Variants in IGF1R observed in about 807,000 individuals in gnomAD.
IGF1R encodes insulin like growth factor 1 receptor, also known as insulin-like growth factor 1 receptor.
Under a neutral mutation model 144.6 loss-of-function variants are expected in IGF1R, and 44 were observed. The observed-to-expected ratio is 0.30, with a 90% confidence interval of 0.24 to 0.39. IGF1R has a LOEUF of 0.39. IGF1R is among the 10% of genes least tolerant of loss of function. The probability of loss-of-function intolerance (pLI) is 1.00; values close to 1 mark genes in which losing one functional copy is unlikely to be tolerated. For missense variants in IGF1R, 1,355 were observed against 1,833.7 expected (o/e 0.74, Z 4.77); for synonymous variants, 795 against 722.8 (o/e 1.10, Z -1.60).
At chr15:98,703,271 T>G (rs2053780448) in intron 1 of IGF1R, among the ~76,000 whole-genome samples, 1 of 152,204 alleles carries the variant, frequency 6.6e-6, no homozygotes, top group Non-Finnish European at 1.5e-5. Context: ...CATTTTCCTT[T>G]TAATCATCGG....
rs2015526302 is a variant in IGF1R at position 98,922,349 on chromosome 15, C to T, written c.2403C>T (p.Ile801=). ...SNLRPFTLYR[I]DIHSCNHEAE... is the part of the protein sequence containing the mutation. Reference sequence around the variant, plus strand: ...TTCGGCCTTTCACATTGTACCGCATCGATATCCACAGCTGCAACCACGAGG... The same window carrying T: ...TTCGGCCTTTCACATTGTACCGCATTGATATCCACAGCTGCAACCACGAGG... Residue 801 remains isoleucine, a synonymous_variant, in exon 11 of 21, where the codon ATC becomes ATT. Transcript: ENST00000650285. The T allele has an allele frequency of 4.3e-6, 7 of 1,614,184 alleles. No homozygotes were observed. Among genetic ancestry groups the T allele is most frequent in the Admixed American group, 1.7e-5 (1 of 60,030 alleles).
intron 1 of IGF1R, among the ~76,000 whole-genome samples, chr15:98,697,382 G>A (rs549541931): frequency 3.0e-4 from 46 of 152,302 alleles, no homozygotes; most frequent in African/African-American, 1.1e-3. Context: ...CACCTGCTCC[G>A]CCACCTCTGC....
At chr15:98,859,641 C>G (rs1184074684) in intron 2 of IGF1R, among the ~76,000 whole-genome samples, 2 of 152,194 alleles carry the variant, frequency 1.3e-5, no homozygotes, top group Non-Finnish European at 2.9e-5. Flanking sequence ...TTGTGCATTT[C>G]TCAGTGTCCA....
chr15:98,873,055 GA>G, intron 2 of IGF1R, among the ~76,000 whole-genome samples: 1 of 152,088 alleles, frequency 6.6e-6, no homozygotes, highest in African/African-American at 2.4e-5. Flanking sequence ...CCTCCTCCCT[GA>G]AGGCAAGCCA....
At chr15:98,914,834 G>T (rs559157647) in intron 8 of IGF1R, among the ~76,000 whole-genome samples, 2 of 152,160 alleles carry the variant, frequency 1.3e-5, no homozygotes, top group Non-Finnish European at 2.9e-5. Flanking sequence ...GACACCTATC[G>T]TAAGAATGTA....
At chr15:98,772,221 TAAC>T (rs2055603536) in intron 2 of IGF1R, among the ~76,000 whole-genome samples, 2 of 152,154 alleles carry the variant, frequency 1.3e-5, no homozygotes, top group Admixed American at 6.5e-5. Flanking sequence ...TTTTCTGACT[TAAC>T]AAAATTGGTG....
At chr15:98,787,922 A>G (rs1287631557) in intron 2 of IGF1R, among the ~76,000 whole-genome samples, 1 of 152,102 alleles carries the variant, frequency 6.6e-6, no homozygotes, top group African/African-American at 2.4e-5. Context: ...AAGGGAGACA[A>G]AAGAGAAATG....
chr15:98,864,115 C>G (rs1294870896), intron 2 of IGF1R, among the ~76,000 whole-genome samples: 1 of 151,980 alleles, frequency 6.6e-6, no homozygotes, highest in Non-Finnish European at 1.5e-5. Flanking sequence ...ATTAGCCTGT[C>G]ATGGTAGCAT....
chr15:98,652,490 A>G (rs1269938265), intron 1 of IGF1R, among the ~76,000 whole-genome samples: 2 of 152,240 alleles, frequency 1.3e-5, no homozygotes, highest in East Asian at 3.8e-4. Context: ...AGACATAGCA[A>G]GCAAATGGTG....
chr15:98,706,263 CAAATT>C (rs1374149714), intron 1 of IGF1R, among the ~76,000 whole-genome samples: 3 of 152,216 alleles, frequency 2.0e-5, no homozygotes, highest in Non-Finnish European at 4.4e-5. Context: ...GGGTGCTTCC[CAAATT>C]AATTACATCA....
At chr15:98,909,864 C>G (rs937709656) in intron 6 of IGF1R, among the ~76,000 whole-genome samples, 2 of 152,220 alleles carry the variant, frequency 1.3e-5, no homozygotes, top group Non-Finnish European at 2.9e-5. Flanking sequence ...CAGTGCCTTT[C>G]TCATCTAACC....
In IGF1R at chr15:98,878,663, C is replaced by CAAAAAAAAAAAAAA. The variant is rs138285597; in HGVS notation, c.641-12643_641-12630dup. The stretch of plus-strand genomic sequence containing the variant: ...TCTCTCTTCTTATTTGTGAAAGACT[C>CAAAAAAAAAAAAAA]AAAAAAAAAAAAAAAAAAAAAAAAA... On this transcript the variant is annotated intron_variant, in intron 2 of 20. Coordinates refer to ENST00000650285, the MANE Select transcript of IGF1R (RefSeq NM_000875.5). Among the ~76,000 whole-genome samples the CAAAAAAAAAAAAAA allele has an allele frequency of 2.9e-4, 17 of 57,904 alleles. 1 individual carries two copies. Among genetic ancestry groups the CAAAAAAAAAAAAAA allele is most frequent in the African/African-American group, 4.2e-4 (4 of 9,628 alleles). The allele number at this position is 57,904 out of a possible 152,430, so 38.0% of individuals were successfully genotyped here.
At chr15:98,755,705 C>T (rs903838396) in intron 2 of IGF1R, among the ~76,000 whole-genome samples, 2 of 72,604 alleles carry the variant, frequency 2.8e-5, no homozygotes, top group African/African-American at 1.2e-4. Flanking sequence ...AATGACAGAG[C>T]AAAACTCCAT....
chr15:98,878,662 T>TC (rs2013184836), intron 2 of IGF1R, among the ~76,000 whole-genome samples: 1 of 15,752 alleles, frequency 6.3e-5, no homozygotes, highest in South Asian at 1.7e-3. Flanking sequence ...TGTGAAAGAC[T>TC]CAAAAAAAAA....
chr15:98,723,203 A>G (rs1021737703), intron 2 of IGF1R, among the ~76,000 whole-genome samples: 1 of 152,116 alleles, frequency 6.6e-6, no homozygotes, highest in Non-Finnish European at 1.5e-5. Flanking sequence ...TAAATCAGAA[A>G]CGTGAGGGTG....
At chr15:98,756,079 A>G (rs28493153) in intron 2 of IGF1R, among the ~76,000 whole-genome samples, 1 of 152,050 alleles carries the variant, frequency 6.6e-6, no homozygotes, top group East Asian at 1.9e-4. Flanking sequence ...ATATTTTTTT[A>G]AAAATTGTGA....
chr15:98,823,088 C>T (rs1414196021), intron 2 of IGF1R, among the ~76,000 whole-genome samples: 4 of 152,184 alleles, frequency 2.6e-5, no homozygotes, highest in African/African-American at 9.6e-5. Flanking sequence ...TGAAGAAAGT[C>T]ATACACCATT....
At chr15:98,720,443 G>A (rs1218463486) in intron 2 of IGF1R, among the ~76,000 whole-genome samples, 1 of 152,302 alleles carries the variant, frequency 6.6e-6, no homozygotes, top group East Asian at 1.9e-4. Context: ...TAGAGACTGA[G>A]GACATGTTCT....
chr15:98,815,318 C>T (rs1467149439), intron 2 of IGF1R, among the ~76,000 whole-genome samples: 1 of 152,182 alleles, frequency 6.6e-6, no homozygotes, highest in Non-Finnish European at 1.5e-5. Context: ...TGCTCCTATT[C>T]CTGGTGGTAA....
Sources: allele counts gnomAD v4.1 joint callset (sites outside exome capture counted in the v4.1 genomes callset), GRCh38; gene constraint gnomAD v4.1.1; transcripts MANE v1.5; gene names NCBI Gene and HGNC (gene_info 2026-07-23, HGNC 2026-07-21).